PEX5L: variants seen among roughly 807,000 people sequenced by gnomAD.
PEX5L encodes the protein PEX5-related protein.
Under a neutral mutation model 84.0 loss-of-function variants are expected in PEX5L, and 30 were observed. The ratio of observed to expected loss-of-function variants is 0.36; its 90% CI spans 0.27 to 0.48. PEX5L has a LOEUF of 0.48. Among genes scored for constraint, PEX5L ranks in the 20% least tolerant of loss-of-function variants. The pLI is 0.99. For missense variants in PEX5L, 533 were observed against 754.6 expected (o/e 0.71, Z 3.44); for synonymous variants, 270 against 283.1 (o/e 0.95, Z 0.46).
intron 2 of PEX5L, among the ~76,000 whole-genome samples, chr3:179,954,381 A>G (rs1344483515): frequency 4.1e-5 from 1 of 24,436 alleles, no homozygotes; most frequent in East Asian, 2.5e-3. Context: ...AACAGTCTTT[A>G]TTTTCATGTG....
chr3:179,977,688 T>C (rs1785940763), intron 1 of PEX5L, among the ~76,000 whole-genome samples: 1 of 152,330 alleles, frequency 6.6e-6, no homozygotes, highest in East Asian at 1.9e-4. Context: ...TGGAGAGTAA[T>C]TGCCTTACCA....
intron 2 of PEX5L, among the ~76,000 whole-genome samples, chr3:179,912,200 A>C (rs1765405674): frequency 6.6e-6 from 1 of 152,140 alleles, no homozygotes; most frequent in African/African-American, 2.4e-5. Context: ...TAATTTGATA[A>C]TATTGGTTTC....
At chr3:179,880,171 A>G in intron 4 of PEX5L, 48 bp from the exon 5 acceptor site, 1 of 1,179,400 alleles carries the variant, frequency 8.5e-7, no homozygotes, top group African/African-American at 1.5e-5. Context: ...CTACTCTGAA[A>G]TTATTTAAAA....
At chr3:179,803,751 T>C (rs2108685766) in intron 14 of PEX5L, among the ~76,000 whole-genome samples, 1 of 152,368 alleles carries the variant, frequency 6.6e-6, no homozygotes, top group South Asian at 2.1e-4. Flanking sequence ...ACTGGATTTC[T>C]AATTCTAATG....
At chr3:179,941,206 A>G (rs140608153) in intron 2 of PEX5L, among the ~76,000 whole-genome samples, 393 of 152,364 alleles carry the variant, frequency 2.6e-3, no homozygotes, top group Admixed American at 4.0e-3. Context: ...TAAAATATGC[A>G]TAATATACAT....
chr3:180,016,078 A>G (rs977599878), intron 1 of PEX5L, among the ~76,000 whole-genome samples: 8 of 151,418 alleles, frequency 5.3e-5, no homozygotes, highest in African/African-American at 1.9e-4. Flanking sequence ...TCTTTTCCAC[A>G]AAGAGAAGTA....
intron 4 of PEX5L, chr3:179,881,525 T>A (rs1001790080): frequency 6.6e-6 from 1 of 152,202 alleles, no homozygotes; most frequent in Non-Finnish European, 1.5e-5. Flanking sequence ...CTTTTAGGGA[T>A]AAGATGAGGA....
chr3:179,862,566 AT>A (rs913945692), intron 7 of PEX5L, among the ~76,000 whole-genome samples: 8 of 152,138 alleles, frequency 5.3e-5, no homozygotes, highest in African/African-American at 1.9e-4. Flanking sequence ...TCTGTTCCTC[AT>A]TGTTTTGCTT....
intron 1 of PEX5L, among the ~76,000 whole-genome samples, chr3:179,987,393 C>T (rs997737764): frequency 3.3e-5 from 5 of 151,874 alleles, no homozygotes; most frequent in Admixed American, 6.6e-5. Context: ...GTTAGAAAAA[C>T]GCACTAAAGA....
At chr3:179,980,761 G>T (rs1786249440) in intron 1 of PEX5L, among the ~76,000 whole-genome samples, 2 of 152,132 alleles carry the variant, frequency 1.3e-5, no homozygotes, top group Non-Finnish European at 2.9e-5. Context: ...AGCAGAGTTG[G>T]CCAGGAGCGG....
intron 10 of PEX5L, among the ~76,000 whole-genome samples, chr3:179,813,355 C>G (rs1409368442): frequency 6.6e-6 from 1 of 152,122 alleles, no homozygotes; most frequent in African/African-American, 2.4e-5. Flanking sequence ...TCTTCCAGGG[C>G]TGTTGTGTCA....
chr3:179,876,292 G>A (rs970193309), intron 5 of PEX5L, among the ~76,000 whole-genome samples: 2 of 151,810 alleles, frequency 1.3e-5, no homozygotes, highest in African/African-American at 4.8e-5. Context: ...TCAGCAGTTC[G>A]ACACCAGCCT....
intron 2 of PEX5L, among the ~76,000 whole-genome samples, chr3:179,924,851 A>T (rs922013657): frequency 5.3e-5 from 8 of 152,066 alleles, no homozygotes; most frequent in African/African-American, 1.9e-4. Context: ...ATAAGAGAAA[A>T]TTTTTTTTGA....
At chr3:179,949,577 C>T (rs1778528165) in intron 2 of PEX5L, among the ~76,000 whole-genome samples, 1 of 152,018 alleles carries the variant, frequency 6.6e-6, no homozygotes. Context: ...TGCCTGTGTT[C>T]ACACTGGATT....
intron 2 of PEX5L, among the ~76,000 whole-genome samples, chr3:179,933,913 T>G (rs1773843385): frequency 6.6e-6 from 1 of 152,194 alleles, no homozygotes; most frequent in Non-Finnish European, 1.5e-5. Context: ...GTCTGTTCCC[T>G]ATGTTTGAAT....
At chr3:179,953,699 A>C (rs1001929882) in intron 2 of PEX5L, among the ~76,000 whole-genome samples, 7 of 152,164 alleles carry the variant, frequency 4.6e-5, no homozygotes, top group Non-Finnish European at 1.0e-4. Context: ...AAAGACTGTT[A>C]AGTCTGGGGC....
At chr3:179,810,929 G>C (rs540161664) in intron 11 of PEX5L, among the ~76,000 whole-genome samples, 1 of 152,068 alleles carries the variant, frequency 6.6e-6, no homozygotes, top group Non-Finnish European at 1.5e-5. Flanking sequence ...GGGAGATGAG[G>C]GTTCAAGTTC....
intron 7 of PEX5L, among the ~76,000 whole-genome samples, chr3:179,861,048 C>T (rs971839493): frequency 6.6e-6 from 1 of 152,192 alleles, no homozygotes; most frequent in Non-Finnish European, 1.5e-5. Flanking sequence ...GTAATTATGA[C>T]CGTAAACAAC....
chr3:179,878,658 T>G (rs111986014), intron 5 of PEX5L, among the ~76,000 whole-genome samples: 3,732 of 152,312 alleles, frequency 0.025, 152 homozygotes, highest in African/African-American at 0.086. Context: ...ACCTTTCTCC[T>G]GATCTATCTT....
Sources: allele counts gnomAD v4.1 joint callset (sites outside exome capture counted in the v4.1 genomes callset), GRCh38; gene constraint gnomAD v4.1.1; transcripts MANE v1.5; gene names NCBI Gene and HGNC (gene_info 2026-07-23, HGNC 2026-07-21).